Variants in MKLN1 observed in about 807,000 individuals in gnomAD.
MKLN1 encodes muskelin 1, also known as muskelin.
Under a neutral mutation model 99.0 loss-of-function variants are expected in MKLN1, and 18 were observed. The ratio of observed to expected loss-of-function variants is 0.18; its 90% CI spans 0.13 to 0.27. MKLN1 has a LOEUF of 0.27. Among genes scored for constraint, MKLN1 ranks in the 10% least tolerant of loss-of-function variants. The pLI, the probability that MKLN1 is intolerant of heterozygous loss-of-function variation, is 1.00. For synonymous variants in MKLN1, 288 were observed against 293.2 expected, an observed-to-expected ratio of 0.98 and a Z score of 0.18; for missense variants, 621 against 875.9, an observed-to-expected ratio of 0.71 and a Z score of 3.67.
At chr7:131,347,918 AATGT>A (rs757436756) in intron 1 of MKLN1, among the ~76,000 whole-genome samples, 39 of 152,214 alleles carry the variant, frequency 2.6e-4, no homozygotes, top group Non-Finnish European at 5.1e-4. Flanking sequence ...TTTTGAAACA[AATGT>A]TGGCTGGCAT....
Position 131,167,684 on chromosome 7 carries a change from A to AT in MKLN1, c.-297+24743_-297+24744insT, listed in dbSNP as rs200705103. 6.8e-3 allele frequency among the ~76,000 whole-genome samples: 1,033 copies of AT among 151,962 alleles called. 15 individuals carry two copies. Among genetic ancestry groups the AT allele is most frequent in the African/African-American group, 0.023 (959 of 41,398 alleles). On this transcript the variant is annotated intron_variant, in intron 2 of 7. Coordinates refer to the MKLN1 transcript ENST00000416992. ...AAGACTCTGTCTCAAAAAAAAAAAAAAATAATGTGGAAAAGAAAACACACA... is the reference window on the plus strand; with the variant it reads ...AAGACTCTGTCTCAAAAAAAAAAAAATAATAATGTGGAAAAGAAAACACACA...
At chr7:131,334,045 A>G (rs559282411) in intron 1 of MKLN1, among the ~76,000 whole-genome samples, 13 of 152,322 alleles carry the variant, frequency 8.5e-5, no homozygotes, top group Admixed American at 2.0e-4. Flanking sequence ...TAATGCTCCC[A>G]ATAACTTTTT....
chr7:131,192,192 TATA>T (rs1275687215), intron 2 of MKLN1, among the ~76,000 whole-genome samples: 929 of 92,156 alleles, frequency 0.01, 130 homozygotes, highest in African/African-American at 0.017. Context: ...ATATATAAAA[TATA>T]ATATATACAA....
At chr7:131,197,110 G>C (rs1420069490) in intron 2 of MKLN1, among the ~76,000 whole-genome samples, 7 of 152,178 alleles carry the variant, frequency 4.6e-5, no homozygotes, top group Non-Finnish European at 7.3e-5. Flanking sequence ...ACAAAGTGAA[G>C]AACATGGCCA....
chr7:131,434,170 G>A (rs1795610680), intron 9 of MKLN1, among the ~76,000 whole-genome samples: 3 of 152,166 alleles, frequency 2.0e-5, no homozygotes, highest in African/African-American at 7.2e-5. Flanking sequence ...ACAGGCATGA[G>A]CCACTGCACC....
At chr7:131,207,240 T>A (rs1796827033) in intron 3 of MKLN1, among the ~76,000 whole-genome samples, 1 of 152,208 alleles carries the variant, frequency 6.6e-6, no homozygotes, top group Non-Finnish European at 1.5e-5. Context: ...TCTCACTCAC[T>A]CTGTCACCCG....
chr7:131,293,813 A>G (rs975866153), intron 3 of MKLN1, among the ~76,000 whole-genome samples: 1 of 152,168 alleles, frequency 6.6e-6, no homozygotes, highest in African/African-American at 2.4e-5. Flanking sequence ...CTCTAAGTTC[A>G]TTAATTAATA....
intron 1 of MKLN1, among the ~76,000 whole-genome samples, chr7:131,139,861 G>A (rs1054482746): frequency 3.3e-5 from 5 of 152,174 alleles, no homozygotes; most frequent in Non-Finnish European, 7.3e-5. Flanking sequence ...GACCAGTACT[G>A]GTTTTTGGGC....
chr7:131,141,261 T>TGAA (rs1266134030), intron 1 of MKLN1, among the ~76,000 whole-genome samples: 1 of 152,244 alleles, frequency 6.6e-6, no homozygotes, highest in Non-Finnish European at 1.5e-5. Context: ...GCTGTTGCTC[T>TGAA]GAATGTTCCC....
rs114954667 is a variant in MKLN1, at chr7:131,487,775, C to T, written c.*47C>T. ...AAATGGAAAACAGGAGTCGATTTTC[C>T]GTCTTTTGGATTGCAGCTCCACTGA... On this transcript the variant is annotated 3_prime_UTR_variant, in exon 18 of 18. Transcript: ENST00000352689. The surrounding 1 kb of genome is among the most constrained non-coding windows in gnomAD (Gnocchi z 4.7). The T allele has an allele frequency of 2.5e-4, 402 of 1,597,208 alleles. 2 individuals carry two copies. The Middle Eastern group carries it at 9.5e-3, about 38-fold the overall frequency.
intron 1 of MKLN1, 26 bp downstream of exon 1, chr7:131,328,023 C>T (rs1237885515): frequency 1.9e-6 from 3 of 1,611,754 alleles, no homozygotes; most frequent in South Asian, 2.2e-5. Flanking sequence ...TGAGCTCGTG[C>T]TGCCCCACCC....
intron 3 of MKLN1, among the ~76,000 whole-genome samples, chr7:131,388,157 ACT>A (rs1794086337): frequency 6.6e-6 from 1 of 152,136 alleles, no homozygotes; most frequent in South Asian, 2.1e-4. Context: ...AAACAGTGAG[ACT>A]CTGTCTCAAA....
intron 3 of MKLN1, among the ~76,000 whole-genome samples, chr7:131,278,819 C>T (rs528886980): frequency 1.3e-5 from 2 of 152,142 alleles, no homozygotes; most frequent in Admixed American, 6.5e-5. Context: ...AGGCTGGTCT[C>T]GAACTCCTGG....
intron 1 of MKLN1, among the ~76,000 whole-genome samples, chr7:131,366,791 G>A (rs1036852058): frequency 1.3e-5 from 2 of 152,156 alleles, no homozygotes; most frequent in African/African-American, 4.8e-5. Flanking sequence ...CAGCCTGGGC[G>A]ACAGAGTGAA....
intron 3 of MKLN1, among the ~76,000 whole-genome samples, chr7:131,251,308 GCAA>G (rs1444903203): frequency 6.6e-6 from 1 of 152,204 alleles, no homozygotes; most frequent in Admixed American, 6.5e-5. Flanking sequence ...TTATTGTGCT[GCAA>G]CAACACTGCC....
intron 1 of MKLN1, among the ~76,000 whole-genome samples, chr7:131,336,224 G>T (rs892429916): frequency 6.6e-6 from 1 of 151,846 alleles, no homozygotes; most frequent in African/African-American, 2.4e-5. Context: ...AGTAACACTT[G>T]TCTCTCGCCT....
intron 2 of MKLN1, among the ~76,000 whole-genome samples, chr7:131,175,745 C>A (rs1418528339): frequency 6.6e-6 from 1 of 152,076 alleles, no homozygotes; most frequent in Admixed American, 6.6e-5. Context: ...ACTAAAAATA[C>A]AAAATTTAGC....
intron 12 of MKLN1, among the ~76,000 whole-genome samples, chr7:131,452,919 A>C (rs571108789): frequency 3.3e-5 from 5 of 152,360 alleles, no homozygotes; most frequent in African/African-American, 1.2e-4. Flanking sequence ...TTTGAAGCTG[A>C]TGATTTGCTG....
intron 3 of MKLN1, among the ~76,000 whole-genome samples, chr7:131,281,206 A>G (rs184741676): frequency 6.8e-6 from 1 of 146,596 alleles, no homozygotes; most frequent in African/African-American, 2.6e-5. Context: ...ATTTTGAGTT[A>G]TTCTTTTTTT....
Sources: allele counts gnomAD v4.1 joint callset (sites outside exome capture counted in the v4.1 genomes callset), GRCh38; gene constraint gnomAD v4.1.1; non-coding constraint Gnocchi (gnomAD v3.1); transcripts MANE v1.5; gene names NCBI Gene and HGNC (gene_info 2026-07-23, HGNC 2026-07-21).